ASB3: variants seen among roughly 807,000 people sequenced by gnomAD.
The protein encoded by ASB3 is ankyrin repeat and SOCS box protein 3.
A neutral mutation model predicts 54.5 loss-of-function variants in ASB3; 41 were observed. The observed-to-expected ratio is 0.75, with a 90% CI of 0.59 to 0.98. The LOEUF (loss-of-function observed/expected upper bound fraction) is 0.98, where lower values mean the gene tolerates loss of function less well. ASB3 is among the 50% of genes least tolerant of loss of function. The pLI is 0.00. For synonymous variants in ASB3, 266 were observed against 221.2 expected, an observed-to-expected ratio of 1.20 and a Z score of -1.80; for missense variants, 733 against 620.0, an observed-to-expected ratio of 1.18 and a Z score of -1.94.
chr2:53,758,394 C>T (rs1672956220), intron 2 of ASB3, among the ~76,000 whole-genome samples: 1 of 152,160 alleles, frequency 6.6e-6, no homozygotes, highest in Admixed American at 6.5e-5. Context: ...GGACAAAGGC[C>T]CTAGTGGGCA....
At chr2:53,706,819 A>G (rs1479250446) in intron 7 of ASB3, among the ~76,000 whole-genome samples, 1 of 152,180 alleles carries the variant, frequency 6.6e-6, no homozygotes. Flanking sequence ...ACTAGTTACT[A>G]AGAGAAATAT....
intron 7 of ASB3, among the ~76,000 whole-genome samples, chr2:53,711,180 G>T (rs1670074423): frequency 6.6e-6 from 1 of 152,088 alleles, no homozygotes; most frequent in Admixed American, 6.5e-5. Flanking sequence ...TGCATTTAAA[G>T]CTTGGGGTAA....
chr2:53,670,323 G>T lies in ASB3; in HGVS notation c.*180C>A, dbSNP rs990717974. On this transcript the variant is annotated 3_prime_UTR_variant, in exon 10 of 10. Transcript: ENST00000263634. ...TTTTTTTTTTTTTTTTTTTTTACTG[G>T]GAAGGCTAGTTGTAAACATAAACAT... The T allele has an allele frequency of 6.3e-6, 2 of 319,460 alleles. No homozygotes were observed. Among genetic ancestry groups the T allele is most frequent in the South Asian group, 1.3e-4 (1 of 7,682 alleles). 19.8% of individuals were successfully genotyped at this position (319,460 alleles called of 1,614,324 possible).
chr2:53,714,253 TATTTGTGTTCCAAGA>T, intron 7 of ASB3, 116 bp downstream of exon 7: 1 of 1,151,760 alleles, frequency 8.7e-7, no homozygotes, highest in Non-Finnish European at 1.2e-6. Context: ...GTTTTTTTCC[TATTTGTGTTCCAAGA>T]TAGCAATTTA....
rs1673089953 is a variant in ASB3, at chr2:53,760,657, T to C, written c.196+4720A>G. Among the ~76,000 whole-genome samples, 3 of 152,214 alleles carry C rather than the reference T, an allele frequency of 2.0e-5. No homozygotes were observed. The South Asian group carries it at 6.2e-4, about 32-fold the overall frequency. ...ATGGAAATTACTTAAAACCCTTCAC[T>C]AGACCTTTCACTTAGGCATTGATAG... On this transcript the variant is annotated intron_variant, in intron 2 of 9. Transcript: ENST00000263634.
At chr2:53,785,222 T>A (rs1674878216) in intron 1 of ASB3, among the ~76,000 whole-genome samples, 1 of 152,246 alleles carries the variant, frequency 6.6e-6, no homozygotes, top group Non-Finnish European at 1.5e-5. Context: ...CACATAACCT[T>A]AGTTTCTTTG....
intron 5 of ASB3, among the ~76,000 whole-genome samples, chr2:53,721,643 C>G (rs998624569): frequency 2.6e-5 from 4 of 151,808 alleles, no homozygotes; most frequent in Non-Finnish European, 4.4e-5. Flanking sequence ...TGGCAGAAAT[C>G]AAAAAATTCT....
intron 8 of ASB3, among the ~76,000 whole-genome samples, chr2:53,699,212 C>T (rs925117921): frequency 1.3e-5 from 2 of 152,222 alleles, no homozygotes; most frequent in Admixed American, 1.3e-4. Flanking sequence ...AGTCCCATCA[C>T]TGGGGCACCA....
At chr2:53,768,275 G>T (rs969632399) in intron 1 of ASB3, 2 of 435,354 alleles carry the variant, frequency 4.6e-6, no homozygotes, top group East Asian at 7.5e-5. Context: ...GGGCACAGGC[G>T]CACGAGCTCG....
At chr2:53,695,800 C>T (rs985947140) in intron 8 of ASB3, among the ~76,000 whole-genome samples, 1 of 152,084 alleles carries the variant, frequency 6.6e-6, no homozygotes, top group Non-Finnish European at 1.5e-5. Flanking sequence ...GGGTGGGGTG[C>T]GCAGGCAGAG....
intron 5 of ASB3, among the ~76,000 whole-genome samples, chr2:53,725,348 C>A (rs1670937326): frequency 6.6e-6 from 1 of 152,184 alleles, no homozygotes. Flanking sequence ...TGCCCACTGT[C>A]TAAGTGATGA....
At chr2:53,705,427 T>C (rs549354338) in intron 7 of ASB3, among the ~76,000 whole-genome samples, 1 of 152,312 alleles carries the variant, frequency 6.6e-6, no homozygotes, top group African/African-American at 2.4e-5. Context: ...TTAACTCATG[T>C]CTGTGACCAA....
intron 7 of ASB3, among the ~76,000 whole-genome samples, chr2:53,705,625 T>C (rs1236197545): frequency 1.3e-5 from 2 of 152,206 alleles, no homozygotes; most frequent in Non-Finnish European, 2.9e-5. Context: ...TATCCAATAA[T>C]AGGAAGTTTT....
In ASB3 at chr2:53,700,303, T is replaced by C. The variant is rs761477480; in HGVS notation, c.1206A>G (p.Gly402=). ...KEWLPHLLVA[G]FDPLILLCNS... ...TGCACAGTAGAATCAGTGGGTCAAA[T>C]CCAGCAACCAGAAGATGTGGCAACC... is the stretch of plus-strand genomic sequence containing the variant. Residue 402 remains glycine, a synonymous_variant, in exon 8 of 10, where the codon GGA becomes GGG. Coordinates refer to ENST00000263634, the MANE Select transcript of ASB3 (RefSeq NM_016115.5). 1.7e-5 allele frequency: 27 copies of C among 1,613,986 alleles called. 1 individual carries two copies. In the South Asian group the frequency reaches 2.9e-4, roughly 17 times the overall value.
intron 9 of ASB3, among the ~76,000 whole-genome samples, chr2:53,691,002 A>C (rs1163181520): frequency 6.6e-6 from 1 of 152,170 alleles, no homozygotes; most frequent in African/African-American, 2.4e-5. Flanking sequence ...GGAGTTGGCA[A>C]ATTTTTTGAG....
intron 2 of ASB3, among the ~76,000 whole-genome samples, chr2:53,755,978 C>A (rs1056345016): frequency 2.3e-5 from 2 of 85,308 alleles, no homozygotes; most frequent in East Asian, 2.3e-4. Flanking sequence ...AATAGTAAGA[C>A]CCCCCCCCCA....
In ASB3 at chr2:53,700,390, T is replaced by C; in HGVS notation, c.1119A>G (p.Pro373=). 3 of 1,614,132 alleles carry C rather than the reference T, an allele frequency of 1.9e-6. No individual in the cohort carries two copies. Among genetic ancestry groups the C allele is most frequent in the Non-Finnish European group, 2.5e-6 (3 of 1,180,006 alleles). Residue 373 remains proline, a synonymous_variant, in exon 8 of 10, where the codon CCA becomes CCG. Transcript: ENST00000263634. ...TTACAAATTCATATATATGGTTCCA[T>C]GGTCCCAATGAGCAACCTTTCCTCA... is the stretch of plus-strand genomic sequence containing the variant. ...YFLRKGCSLG[P]WNHIYEFVNH... is the part of the protein sequence containing the mutation.
intron 7 of ASB3, among the ~76,000 whole-genome samples, chr2:53,705,229 A>C (rs1014126078): frequency 2.6e-5 from 4 of 152,194 alleles, no homozygotes; most frequent in Admixed American, 2.0e-4. Flanking sequence ...TTTTCCAATG[A>C]CTACTTACTG....
intron 7 of ASB3, among the ~76,000 whole-genome samples, chr2:53,712,774 G>A (rs756925358): frequency 2.6e-5 from 4 of 151,982 alleles, no homozygotes; most frequent in East Asian, 1.9e-4. Flanking sequence ...ACACAGGCGC[G>A]CGCGCGCGCG....
Sources: gnomAD v4.1 joint callset for allele counts (sites outside exome capture counted in the v4.1 genomes callset) on GRCh38, gnomAD v4.1.1 for gene constraint, MANE v1.5 for transcripts, NCBI Gene and HGNC (gene_info 2026-07-23, HGNC 2026-07-21) for gene names.